The following SFI1 variants were observed in gnomAD, a reference collection of about 807,000 sequenced individuals.
The protein encoded by SFI1 is protein SFI1 homolog.
Under a neutral mutation model 207.5 loss-of-function variants are expected in SFI1, and 195 were observed. That is an observed-to-expected ratio of 0.94 (90% CI 0.84 to 1.06). SFI1 has a LOEUF of 1.06. SFI1 is among the 50% of genes least tolerant of loss of function. SFI1 has a pLI of 0.00. For missense variants in SFI1, 1,634 were observed against 1,588.0 expected (o/e 1.03, Z -0.49); for synonymous variants, 630 against 598.9 (o/e 1.05, Z -0.76).
At chr22:31,504,595 A>G (rs775476589) in intron 1 of SFI1, among the ~76,000 whole-genome samples, 80 of 152,300 alleles carry the variant, frequency 5.3e-4, no homozygotes, top group Non-Finnish European at 9.7e-4. Context: ...CTGCTGTAAC[A>G]AAGTACCACA....
chr22:31,511,034 G>A (rs113552913), intron 2 of SFI1, among the ~76,000 whole-genome samples: 1,764 of 152,070 alleles, frequency 0.012, 35 homozygotes, highest in African/African-American at 0.04. Flanking sequence ...TGCAACTTAG[G>A]GTGCTATGAA....
At chr22:31,505,425 C>T (rs1034861235) in intron 1 of SFI1, among the ~76,000 whole-genome samples, 1 of 146,240 alleles carries the variant, frequency 6.8e-6, no homozygotes, top group South Asian at 2.2e-4. Context: ...GGCAACAGAG[C>T]GAGACTGTCT....
chr22:31,518,405 A>C (rs1246428321), intron 2 of SFI1, among the ~76,000 whole-genome samples: 1 of 152,102 alleles, frequency 6.6e-6, no homozygotes, highest in Admixed American at 6.6e-5. Context: ...TATTAGATTT[A>C]CTCCTATATT....
chr22:31,572,587 C>T (rs2063067467), intron 8 of SFI1, among the ~76,000 whole-genome samples: 1 of 152,008 alleles, frequency 6.6e-6, no homozygotes, highest in Admixed American at 6.6e-5. Context: ...CTGCAACCTC[C>T]ACGTCCTGGG....
intron 1 of SFI1, among the ~76,000 whole-genome samples, chr22:31,505,659 T>C (rs1022365113): frequency 2.5e-4 from 38 of 151,460 alleles, no homozygotes; most frequent in African/African-American, 8.2e-4. Context: ...CTAAGGTGGA[T>C]AGATCAGTTG....
chr22:31,511,464 G>GTTTTTTTTTTTTTT (rs758898165), intron 2 of SFI1, among the ~76,000 whole-genome samples: 1 of 114,558 alleles, frequency 8.7e-6, no homozygotes, highest in Non-Finnish European at 1.7e-5. Context: ...CATAGTTTCT[G>GTTTTTTTTTTTTTT]TTTTTTTTTT....
chr22:31,557,125 G>A, intron 7 of SFI1, 66 bp downstream of exon 7: 1 of 960,150 alleles, frequency 1.0e-6, no homozygotes, highest in Non-Finnish European at 1.6e-6. Flanking sequence ...TTATGGTGCT[G>A]GAAAACAGCA....
chr22:31,606,370 G>A lies in SFI1; in HGVS notation c.2097G>A (p.Val699=), dbSNP rs758635701. The A allele has an allele frequency of 1.1e-5, 17 of 1,613,778 alleles. No homozygotes were observed. The East Asian group carries it at 3.6e-4, about 34-fold the overall frequency. The change falls in exon 21 of 33, where the codon GTG becomes GTA. Residue 699 remains valine, a synonymous_variant. Coordinates refer to ENST00000400288, the MANE Select transcript of SFI1 (RefSeq NM_001007467.3). ...RRWKENTMAR[V]DEAKKTFQAS... is the part of the protein sequence containing the mutation. ...GGAAAGAGAACACCATGGCCCGAGT[G>A]GATGAAGCCAAAAAAACCTTTCAAG...
At chr22:31,556,489 T>TGG (rs1451090116) in intron 6 of SFI1, among the ~76,000 whole-genome samples, 2 of 152,182 alleles carry the variant, frequency 1.3e-5, no homozygotes, top group African/African-American at 4.8e-5. Context: ...TCCAAAGTGC[T>TGG]GGGATTACAG....
At chr22:31,574,052 T>A (rs2063226987) in intron 9 of SFI1, among the ~76,000 whole-genome samples, 1 of 152,222 alleles carries the variant, frequency 6.6e-6, no homozygotes, top group South Asian at 2.1e-4. Flanking sequence ...TATATGGTTT[T>A]GTTTCCCAAT....
At chr22:31,580,070 G>A (rs1172981074) in intron 11 of SFI1, 6 of 518,568 alleles carry the variant, frequency 1.2e-5, no homozygotes, top group East Asian at 1.0e-4. Flanking sequence ...TTTATTAAGT[G>A]CCTGCTGTGC....
rs1163697454 is a variant in SFI1 at position 31,608,036 on chromosome 22, A to G, written c.2254+3A>G. ...GGCCCAGAAGGTGCTGGACAGGGGT[A>G]AGTGGGGCCCCAGAAGCAAGTCATG... On this transcript the variant is annotated splice_donor_region_variant and intron_variant, in intron 22 of 32. Coordinates refer to ENST00000400288, the MANE Select transcript of SFI1 (RefSeq NM_001007467.3). 1.2e-6 allele frequency: 2 copies of G among 1,613,204 alleles called. No homozygotes were observed. The highest frequency in any genetic ancestry group is 2.2e-5 in the East Asian group (1 of 44,888).
At chr22:31,616,588 A>T in intron 29 of SFI1, 157 bp from the exon 30 acceptor site, 1 of 738,380 alleles carries the variant, frequency 1.4e-6, no homozygotes, top group Non-Finnish European at 2.2e-6. Flanking sequence ...CTAGACACTG[A>T]GCTGGCACGG....
chr22:31,587,482 GT>G (rs11431150), intron 14 of SFI1: 67 of 163,134 alleles, frequency 4.1e-4, no homozygotes, highest in South Asian at 1.2e-3. Flanking sequence ...TTTGTGTTTT[GT>G]TTTTTTTTTT....
At chr22:31,609,394 G>A (rs1569457225) in intron 22 of SFI1, among the ~76,000 whole-genome samples, 1 of 152,152 alleles carries the variant, frequency 6.6e-6, no homozygotes, top group Non-Finnish European at 1.5e-5. Flanking sequence ...GCAGACCCAT[G>A]GGGAGCTGTC....
At chr22:31,616,446 G>A (rs759854534) in intron 29 of SFI1, 2 of 346,046 alleles carry the variant, frequency 5.8e-6, no homozygotes, top group Non-Finnish European at 1.0e-5. Context: ...GGGGTGGAGG[G>A]TTGGGTAAGG....
rs1569227870 is a variant in SFI1, at chr22:31,530,203, A to AAAAAAAAT, written c.267-855_267-854insAAAAAAAT. Among the ~76,000 whole-genome samples, 107 of 127,806 alleles carry AAAAAAAAT rather than the reference A, an allele frequency of 8.4e-4. 6 individuals are homozygous for AAAAAAAAT. The highest frequency in any genetic ancestry group is 2.2e-3 in the African/African-American group (73 of 33,006). The allele number at this position is 127,806 out of a possible 152,430, so 83.8% of individuals were successfully genotyped here. A position where few individuals can be genotyped will look rare whatever the true frequency, so the allele number is the denominator to read the frequency against. On this transcript the variant is annotated intron_variant, in intron 3 of 32. Transcript: ENST00000400288. ...AAAAAAAAAAAAAAAAAAAAAAAAA[A>AAAAAAAAT]GACAAGGCCGGGCGCGGTGGCTCAC...
At chr22:31,576,701 C>T (rs1283435888) in intron 10 of SFI1, among the ~76,000 whole-genome samples, 2 of 149,030 alleles carry the variant, frequency 1.3e-5, no homozygotes, top group Non-Finnish European at 3.0e-5. Context: ...GTGCAATGGC[C>T]CAATCTTGGC....
At chr22:31,527,067 T>C (rs1353266475) in intron 2 of SFI1, among the ~76,000 whole-genome samples, 1 of 152,068 alleles carries the variant, frequency 6.6e-6, no homozygotes, top group African/African-American at 2.4e-5. Context: ...CGGCTGACTT[T>C]TGTATTTTTA....
Sources: allele counts gnomAD v4.1 joint callset (sites outside exome capture counted in the v4.1 genomes callset), GRCh38; gene constraint gnomAD v4.1.1; transcripts MANE v1.5; gene names NCBI Gene and HGNC (gene_info 2026-07-23, HGNC 2026-07-21).